Variants in BMPR2 observed in about 807,000 individuals in gnomAD.
BMPR2 encodes bone morphogenetic protein receptor type-2.
Under a neutral mutation model 100.8 loss-of-function variants are expected in BMPR2, and 29 were observed. The ratio of observed to expected loss-of-function variants is 0.29; its 90% confidence interval spans 0.21 to 0.39. The LOEUF (loss-of-function observed/expected upper bound fraction) is 0.39, where lower values mean the gene tolerates loss of function less well. Ranked by LOEUF, BMPR2 falls within the 10% of genes least tolerant of loss-of-function variation. The probability of loss-of-function intolerance (pLI) is 1.00; values close to 1 mark genes in which losing one functional copy is unlikely to be tolerated. For missense variants in BMPR2, 1,011 were observed against 1,274.5 expected, an observed-to-expected ratio of 0.79 and a Z score of 3.15; for synonymous variants, 382 against 442.3, an observed-to-expected ratio of 0.86 and a Z score of 1.71.
At chr2:202,390,673 A>G (rs574803801) in intron 1 of BMPR2, among the ~76,000 whole-genome samples, 284 of 152,186 alleles carry the variant, frequency 1.9e-3, no homozygotes, top group Non-Finnish European at 3.5e-3. Context: ...ATACTACGTA[A>G]TATCATTCTT....
At chr2:202,549,215 C>CATTATTAGTTATAATATT (rs1688429702) in intron 10 of BMPR2, among the ~76,000 whole-genome samples, 1 of 151,796 alleles carries the variant, frequency 6.6e-6, no homozygotes, top group Non-Finnish European at 1.5e-5. Flanking sequence ...TATTCATGTT[C>CATTATTAGTTATAATATT]ATTATTAGTT....
At chr2:202,437,463 G>T (rs1465869419) in intron 1 of BMPR2, among the ~76,000 whole-genome samples, 1 of 150,284 alleles carries the variant, frequency 6.7e-6, no homozygotes, top group African/African-American at 2.5e-5. Flanking sequence ...GCTTTATTGG[G>T]ATATAATCTA....
chr2:202,479,044 C>G (rs1439937497), intron 3 of BMPR2, among the ~76,000 whole-genome samples: 2 of 152,168 alleles, frequency 1.3e-5, no homozygotes, highest in African/African-American at 4.8e-5. Context: ...CTTGTGTAAT[C>G]CTGTCCTTCT....
chr2:202,519,797 A>G (rs879825962), intron 6 of BMPR2, among the ~76,000 whole-genome samples: 2 of 152,204 alleles, frequency 1.3e-5, no homozygotes, highest in Non-Finnish European at 2.9e-5. Flanking sequence ...ACACTTTTCT[A>G]TCTTAATTTG....
chr2:202,500,367 C>T (rs974233809), intron 3 of BMPR2, among the ~76,000 whole-genome samples: 2 of 152,156 alleles, frequency 1.3e-5, no homozygotes, highest in Non-Finnish European at 2.9e-5. Context: ...AGTCCCACAC[C>T]GTTATTAGGG....
intron 3 of BMPR2, among the ~76,000 whole-genome samples, chr2:202,481,004 T>G (rs1431615325): frequency 6.2e-5 from 9 of 144,554 alleles, no homozygotes. Context: ...AGTGCAAAGG[T>G]GTATTTCTGA....
intron 11 of BMPR2, 58 bp from the exon 12 acceptor site, chr2:202,555,192 GGA>G: frequency 6.9e-7 from 1 of 1,459,742 alleles, no homozygotes; most frequent in African/African-American, 1.4e-5. Context: ...TGTTAAATTT[GGA>G]GAGACAGTTT....
At chr2:202,426,590 A>AAAT (rs1691390338) in intron 1 of BMPR2, among the ~76,000 whole-genome samples, 1 of 149,626 alleles carries the variant, frequency 6.7e-6, no homozygotes, top group African/African-American at 2.5e-5. Flanking sequence ...AAAAAAAAAA[A>AAAT]GTAAATTTTG....
At chr2:202,435,371 AAAT>A in intron 1 of BMPR2, among the ~76,000 whole-genome samples, 1 of 92,610 alleles carries the variant, frequency 1.1e-5, no homozygotes, top group Non-Finnish European at 2.0e-5. Flanking sequence ...CTCAAAAAAA[AAAT>A]ACATATATAT....
chr2:202,406,362 G>T (rs537779217), intron 1 of BMPR2, among the ~76,000 whole-genome samples: 2 of 152,332 alleles, frequency 1.3e-5, no homozygotes, highest in Admixed American at 1.3e-4. Flanking sequence ...CAGAGAAGAT[G>T]CTCTTACTTT....
chr2:202,437,937 AT>A (rs1350872459), intron 1 of BMPR2, among the ~76,000 whole-genome samples: 3 of 149,756 alleles, frequency 2.0e-5, no homozygotes, highest in African/African-American at 5.1e-5. Flanking sequence ...TAACGTACAA[AT>A]TTTTTTTTGT....
intron 1 of BMPR2, among the ~76,000 whole-genome samples, chr2:202,447,763 G>C (rs1691881958): frequency 6.6e-6 from 1 of 150,556 alleles, no homozygotes; most frequent in Non-Finnish European, 1.5e-5. Flanking sequence ...ATACATATTT[G>C]TATTTTTTTA....
intron 1 of BMPR2, among the ~76,000 whole-genome samples, chr2:202,407,699 G>A (rs1348366445): frequency 6.6e-6 from 1 of 151,618 alleles, no homozygotes; most frequent in African/African-American, 2.4e-5. Context: ...AACCCGGGAG[G>A]CGGAGCTTGC....
chr2:202,529,180 C>T (rs1687970284), intron 7 of BMPR2, among the ~76,000 whole-genome samples: 1 of 152,134 alleles, frequency 6.6e-6, no homozygotes, highest in African/African-American at 2.4e-5. Flanking sequence ...CTTGGGAGGG[C>T]AGGGGGATAG....
intron 3 of BMPR2, among the ~76,000 whole-genome samples, chr2:202,504,068 C>A (rs933322084): frequency 6.6e-6 from 1 of 152,056 alleles, no homozygotes; most frequent in Non-Finnish European, 1.5e-5. Context: ...ACGTGGAGAA[C>A]CTTTGTGTCT....
At chr2:202,533,215 C>T (rs895704434) in intron 9 of BMPR2, among the ~76,000 whole-genome samples, 1 of 151,704 alleles carries the variant, frequency 6.6e-6, no homozygotes, top group Non-Finnish European at 1.5e-5. Flanking sequence ...ACCTTATCTC[C>T]TTCCCTTCCT....
At chr2:202,487,352 A>G (rs1692800939) in intron 3 of BMPR2, among the ~76,000 whole-genome samples, 2 of 152,196 alleles carry the variant, frequency 1.3e-5, no homozygotes, top group South Asian at 4.1e-4. Context: ...ATTCTGTATA[A>G]TGAATCAGAT....
chr2:202,467,476 T>C, intron 2 of BMPR2, 43 bp from the exon 3 acceptor site: 1 of 1,501,094 alleles, frequency 6.7e-7, no homozygotes, highest in East Asian at 2.3e-5. Flanking sequence ...CTTAGTTTTC[T>C]TTATCATATT....
intron 3 of BMPR2, among the ~76,000 whole-genome samples, chr2:202,497,473 C>T (rs1693063500): frequency 2.0e-5 from 3 of 152,166 alleles, no homozygotes; most frequent in Admixed American, 2.0e-4. Flanking sequence ...TGGGAAAGGG[C>T]TCTCTAACAA....
Sources: gnomAD v4.1 joint callset for allele counts (sites outside exome capture counted in the v4.1 genomes callset) on GRCh38, gnomAD v4.1.1 for gene constraint, MANE v1.5 for transcripts, NCBI Gene and HGNC (gene_info 2026-07-23, HGNC 2026-07-21) for gene names.